Variants in FAR2 observed in about 807,000 individuals in gnomAD.
The protein encoded by FAR2 is fatty acyl-CoA reductase 2, also known as epididymis secretory protein Li 81.
In FAR2, 19 loss-of-function variants were observed where a neutral mutation model predicts 56.0. The ratio of observed to expected loss-of-function variants is 0.34; its 90% CI spans 0.24 to 0.50. The LOEUF (loss-of-function observed/expected upper bound fraction) is 0.50, where lower values mean the gene tolerates loss of function less well. Ranked by LOEUF, FAR2 falls within the 20% of genes least tolerant of loss-of-function variation. FAR2 has a pLI of 0.98. For synonymous variants in FAR2, 219 were observed against 218.8 expected, an observed-to-expected ratio of 1.00 and a Z score of -0.01; for missense variants, 508 against 642.2, an observed-to-expected ratio of 0.79 and a Z score of 2.26.
intron 1 of FAR2, among the ~76,000 whole-genome samples, chr12:29,226,700 T>G (rs1947774746): frequency 6.6e-6 from 1 of 152,166 alleles, no homozygotes; most frequent in Non-Finnish European, 1.5e-5. Context: ...CATTCCACCT[T>G]GGAATCACTT....
At chr12:29,280,171 T>C (rs143276751) in intron 2 of FAR2, among the ~76,000 whole-genome samples, 1,645 of 152,282 alleles carry the variant, frequency 0.011, 26 homozygotes, top group African/African-American at 0.038. Context: ...GCGATCTGCC[T>C]GCCTCGGCCT....
intron 1 of FAR2, among the ~76,000 whole-genome samples, chr12:29,266,032 G>A (rs1423919317): frequency 1.3e-5 from 2 of 152,144 alleles, no homozygotes; most frequent in Admixed American, 6.5e-5. Flanking sequence ...TGATGAGGAT[G>A]TGGATAAAAA....
In FAR2 at chr12:29,309,208, G is replaced by C; in HGVS notation, c.746G>C (p.Gly249Ala). 6.2e-7 allele frequency: 1 copy of C among 1,600,900 alleles called. No individual in the cohort carries two copies. Among genetic ancestry groups the C allele is most frequent in the Non-Finnish European group, 8.5e-7 (1 of 1,170,022 alleles). The change falls in exon 6 of 12, where the codon GGA becomes GCA. Residue 249 changes from glycine to alanine, a missense_variant. Physicochemically the swap from Gly to Ala is moderately conservative, Grantham distance 60. Coordinates refer to ENST00000536681, the MANE Select transcript of FAR2 (RefSeq NM_001271783.2). ...TAGGGTTGGGTTGATAATATAAATG[G>C]ACCTAATGGAATCATTATTGCGGTA... ...PFPGWVDNIN[G>A]PNGIIIATGK...
intron 10 of FAR2, among the ~76,000 whole-genome samples, chr12:29,329,906 C>A (rs1424367557): frequency 6.6e-6 from 1 of 152,112 alleles, no homozygotes; most frequent in Non-Finnish European, 1.5e-5. Context: ...TCTACAAGAT[C>A]CTACTAAGTT....
chr12:29,181,449 A>T (rs577621687), intron 1 of FAR2, among the ~76,000 whole-genome samples: 2 of 152,342 alleles, frequency 1.3e-5, no homozygotes, highest in African/African-American at 4.8e-5. Flanking sequence ...TATCAAAACA[A>T]CAGCAATGAC....
intron 1 of FAR2, among the ~76,000 whole-genome samples, chr12:29,197,188 A>G (rs1439154947): frequency 1.3e-5 from 2 of 152,222 alleles, no homozygotes; most frequent in East Asian, 3.8e-4. Context: ...TTATTTCAAA[A>G]GGGAAAGTTT....
At chr12:29,292,752 TTC>T (rs1948992352) in intron 2 of FAR2, among the ~76,000 whole-genome samples, 1 of 152,188 alleles carries the variant, frequency 6.6e-6, no homozygotes, top group African/African-American at 2.4e-5. Flanking sequence ...CATATTTCAA[TTC>T]TGTCTACCAT....
In FAR2 at chr12:29,194,738, G is replaced by A. The variant is rs1230803991; in HGVS notation, c.-39+45331G>A. Among the ~76,000 whole-genome samples, 4 of 152,204 alleles carry A rather than the reference G, an allele frequency of 2.6e-5. No individual in the cohort carries two copies. The East Asian group carries it at 5.8e-4, about 22-fold the overall frequency. ...GGGTGAGGGTGGCAGTGTATGATTCGAACTTACTGCTGGTTACAGAAGAGG... is the reference window on the plus strand; with the variant it reads ...GGGTGAGGGTGGCAGTGTATGATTCAAACTTACTGCTGGTTACAGAAGAGG... On this transcript the variant is annotated intron_variant, in intron 1 of 11. Coordinates refer to ENST00000536681, the MANE Select transcript of FAR2 (RefSeq NM_001271783.2).
chr12:29,206,244 A>G (rs1015297757), intron 1 of FAR2, among the ~76,000 whole-genome samples: 1 of 152,216 alleles, frequency 6.6e-6, no homozygotes, highest in Non-Finnish European at 1.5e-5. Context: ...TCTATTGCCT[A>G]TTGAACTTTT....
At chr12:29,165,188 G>C (rs774477453) in intron 1 of FAR2, among the ~76,000 whole-genome samples, 3 of 152,110 alleles carry the variant, frequency 2.0e-5, no homozygotes, top group African/African-American at 2.4e-5. Context: ...CCTCTCCTAC[G>C]TTAGGCTGTG....
chr12:29,252,876 T>C (rs1948235490), intron 1 of FAR2, among the ~76,000 whole-genome samples: 1 of 152,162 alleles, frequency 6.6e-6, no homozygotes. Flanking sequence ...TCAAAGTTAT[T>C]CTGGATATTT....
intron 1 of FAR2, among the ~76,000 whole-genome samples, chr12:29,187,631 A>C (rs1950056127): frequency 1.3e-5 from 2 of 152,210 alleles, no homozygotes; most frequent in Non-Finnish European, 1.5e-5. Context: ...CCCTAAAAAG[A>C]GAATAAAATA....
At position 29,293,418 on chromosome 12, in the gene FAR2, C is replaced by A. The variant is rs771713495; in HGVS notation, c.308C>A (p.Ser103Tyr). The change falls in exon 3 of 12, where the codon TCC becomes TAC. Residue 103 changes from serine (S) to tyrosine (Y), a missense_variant. Physicochemically the swap from Ser to Tyr is moderately radical, Grantham distance 144 (BLOSUM62 -2). Coordinates refer to ENST00000536681, the MANE Select transcript of FAR2 (RefSeq NM_001271783.2). Reference sequence around the variant, plus strand: ...AAAGAGGACATGCAGGAGCTTCTCTCCTGTACAAACATAATATTTCACTGT... The same window carrying A: ...AAAGAGGACATGCAGGAGCTTCTCTACTGTACAAACATAATATTTCACTGT... ...ISKEDMQELLSCTNIIFHCAA... is the reference protein window; with the variant it reads ...ISKEDMQELLYCTNIIFHCAA... 1 of 1,610,822 alleles carries A rather than the reference C, an allele frequency of 6.2e-7. No individual in the cohort carries two copies. The highest frequency in any genetic ancestry group is 1.7e-5 in the Admixed American group (1 of 59,254).
At chr12:29,196,587 A>G (rs556150754) in intron 1 of FAR2, among the ~76,000 whole-genome samples, 63 of 152,120 alleles carry the variant, frequency 4.1e-4, no homozygotes, top group Non-Finnish European at 8.8e-4. Flanking sequence ...CTGGACTCCT[A>G]TTTCTCACCA....
Position 29,333,965 on chromosome 12 carries a change from G to A in FAR2, c.*171G>A, listed in dbSNP as rs1949766641. On this transcript the variant is annotated 3_prime_UTR_variant, in exon 12 of 12. Transcript: ENST00000536681. ...TGTATTTTTATTTCAGTGAGAGAAG[G>A]AAAGTTGTAAACTAGCCCATAGTCA... The A allele has an allele frequency of 1.7e-6, 1 of 580,102 alleles. No individual in the cohort carries two copies. The highest frequency in any genetic ancestry group is 3.1e-5 in the East Asian group (1 of 32,198). 35.9% of individuals were successfully genotyped at this position (580,102 alleles called of 1,614,324 possible). A position where few individuals can be genotyped will look rare whatever the true frequency, so the allele number is the denominator to read the frequency against.
chr12:29,225,586 A>G (rs1005041603), intron 1 of FAR2, among the ~76,000 whole-genome samples: 38 of 152,196 alleles, frequency 2.5e-4, no homozygotes, highest in Admixed American at 9.2e-4. Flanking sequence ...AAGCTCTGTA[A>G]TACTATTTCT....
chr12:29,159,191 A>G (rs1949757720), intron 1 of FAR2, among the ~76,000 whole-genome samples: 1 of 152,160 alleles, frequency 6.6e-6, no homozygotes, highest in African/African-American at 2.4e-5. Context: ...TCTTCTAACT[A>G]GCCCCAGTCA....
At chr12:29,214,642 T>C (rs982727285) in intron 1 of FAR2, among the ~76,000 whole-genome samples, 4 of 151,700 alleles carry the variant, frequency 2.6e-5, no homozygotes, top group African/African-American at 9.7e-5. Context: ...ACCAACATGG[T>C]AAAATCCATC....
intron 1 of FAR2, among the ~76,000 whole-genome samples, chr12:29,237,605 A>G (rs1407302838): frequency 1.3e-5 from 2 of 152,242 alleles, no homozygotes; most frequent in Non-Finnish European, 2.9e-5. Flanking sequence ...TTGAGCTGTC[A>G]GCTGAACTAG....
Sources: gnomAD v4.1 joint callset for allele counts (sites outside exome capture counted in the v4.1 genomes callset) on GRCh38, gnomAD v4.1.1 for gene constraint, MANE v1.5 for transcripts, NCBI Gene and HGNC (gene_info 2026-07-23, HGNC 2026-07-21) for gene names.